The following KCNQ1 variants were observed in gnomAD, a reference collection of about 807,000 sequenced individuals.
The protein encoded by KCNQ1 is potassium voltage-gated channel subfamily KQT member 1.
In KCNQ1, 49 loss-of-function variants were observed where a neutral mutation model predicts 72.4. The observed-to-expected ratio is 0.68, with a 90% CI of 0.54 to 0.86. KCNQ1 has a LOEUF of 0.86. KCNQ1 is among the 40% of genes least tolerant of loss of function. The pLI is 0.00. For missense variants in KCNQ1, 790 were observed against 945.1 expected (o/e 0.84, Z 2.15); for synonymous variants, 450 against 412.6 (o/e 1.09, Z -1.10).
At position 2,809,742 on chromosome 11, in the gene KCNQ1, C is replaced by A. The variant is rs1030300965; in HGVS notation, c.1794+31705C>A. On this transcript the variant is annotated intron_variant, in intron 15 of 15. Transcript: ENST00000155840. The surrounding 1 kb of genome is among the most constrained non-coding windows in gnomAD (Gnocchi z 7.1). Reference sequence around the variant, plus strand: ...GTGCTCAACACTCCAGGCCAGAGCCCTTCTCTCAAATCCCCTTTGGTTCTA... The same window carrying A: ...GTGCTCAACACTCCAGGCCAGAGCCATTCTCTCAAATCCCCTTTGGTTCTA... Among the ~76,000 whole-genome samples, 2 of 152,172 alleles carry A rather than the reference C, an allele frequency of 1.3e-5. No individual in the cohort carries two copies. Among genetic ancestry groups the A allele is most frequent in the Non-Finnish European group, 2.9e-5 (2 of 68,034 alleles).
chr11:2,596,946 T>C (rs1273080186), intron 10 of KCNQ1, among the ~76,000 whole-genome samples: 1 of 152,024 alleles, frequency 6.6e-6, no homozygotes, highest in Non-Finnish European at 1.5e-5. Flanking sequence ...ATTGATAACC[T>C]AAAGAAACCA....
rs1328449667 is a variant in KCNQ1 at position 2,516,869 on chromosome 11, C to T, written c.387-11059C>T. 6.6e-6 allele frequency among the ~76,000 whole-genome samples: 1 copy of T among 152,146 alleles called. No homozygotes were observed. Among genetic ancestry groups the T allele is most frequent in the Non-Finnish European group, 1.5e-5 (1 of 68,018 alleles). On this transcript the variant is annotated intron_variant, in intron 1 of 15. Transcript: ENST00000155840. The surrounding 1 kb of genome is among the most constrained non-coding windows in gnomAD (Gnocchi z 7.0). ...ATTGTTCTGGCCCCTCCTGATCTCTCCCCCACCTTGCCACGACCCCCCAGA... is the reference window on the plus strand; with the variant it reads ...ATTGTTCTGGCCCCTCCTGATCTCTTCCCCACCTTGCCACGACCCCCCAGA...
Position 2,652,685 on chromosome 11 carries a change from G to T in KCNQ1, c.1394-9276G>T, listed in dbSNP as rs1590007779. 2 of 398,760 alleles carry T rather than the reference G, an allele frequency of 5.0e-6. No homozygotes were observed. The highest frequency in any genetic ancestry group is 7.1e-5 in the East Asian group (2 of 28,072). 24.7% of individuals were successfully genotyped at this position (398,760 alleles called of 1,614,324 possible). A position where few individuals can be genotyped will look rare whatever the true frequency, so the allele number is the denominator to read the frequency against. On this transcript the variant is annotated intron_variant, in intron 10 of 15. Transcript: ENST00000155840. This position sits in a 1 kb window ranked among gnomAD's most constrained non-coding sequence, Gnocchi z 5.9. ...GGGTGGGTCGATTTTAGTTGTGTGGGTGGCTGTGTTGCTCTCTTTCCGTTT... is the reference window on the plus strand; with the variant it reads ...GGGTGGGTCGATTTTAGTTGTGTGGTTGGCTGTGTTGCTCTCTTTCCGTTT...
chr11:2,840,485 T>G (rs1848184571), intron 15 of KCNQ1: 2 of 151,530 alleles, frequency 1.3e-5, no homozygotes, highest in Admixed American at 1.3e-4. Context: ...TCCCAGGCGA[T>G]TCAAAGATTT....
At chr11:2,747,111 C>T (rs1846153508) in intron 11 of KCNQ1, among the ~76,000 whole-genome samples, 1 of 152,192 alleles carries the variant, frequency 6.6e-6, no homozygotes, top group African/African-American at 2.4e-5. Flanking sequence ...CCCAGCCTGG[C>T]CCATGGTGGA....
intron 13 of KCNQ1, 138 bp downstream of exon 13, chr11:2,776,192 C>T: frequency 1.3e-6 from 1 of 740,996 alleles, no homozygotes; most frequent in Non-Finnish European, 2.2e-6. Context: ...TTCTCCTCAC[C>T]ACCCCCAGCC....
At chr11:2,631,477 T>G in intron 10 of KCNQ1, 1 of 395,784 alleles carries the variant, frequency 2.5e-6, no homozygotes, top group Admixed American at 4.4e-5. Flanking sequence ...TTTTGTGTAT[T>G]AATGATTTCA....
chr11:2,641,153 T>A, intron 10 of KCNQ1: 1 of 398,544 alleles, frequency 2.5e-6, no homozygotes. Context: ...ATTTTTAGTA[T>A]ACTGATATCT....
chr11:2,608,902 C>T lies in KCNQ1; in HGVS notation c.1393+20048C>T, dbSNP rs899815711. ...TCCCTCTCTGTCTTTCCTCCTCCCCCTCTTTCTTCCTCCCCTTCTTTTCTT... is the reference window on the plus strand; with the variant it reads ...TCCCTCTCTGTCTTTCCTCCTCCCCTTCTTTCTTCCTCCCCTTCTTTTCTT... On this transcript the variant is annotated intron_variant, in intron 10 of 15. Transcript: ENST00000155840. The surrounding 1 kb of genome is among the most constrained non-coding windows in gnomAD (Gnocchi z 4.6). 2 of 398,368 alleles carry T rather than the reference C, an allele frequency of 5.0e-6. No homozygotes were observed. The highest frequency in any genetic ancestry group is 4.1e-5 in the African/African-American group (2 of 48,582). The allele number at this position is 398,368 out of a possible 1,614,324, so 24.7% of individuals were successfully genotyped here. A position where few individuals can be genotyped will look rare whatever the true frequency, so the allele number is the denominator to read the frequency against.
In KCNQ1 at chr11:2,451,216, C is replaced by T. The variant is rs889588458; in HGVS notation, c.386+5732C>T. 1.3e-5 allele frequency among the ~76,000 whole-genome samples: 2 copies of T among 152,176 alleles called. No individual in the cohort carries two copies. Among genetic ancestry groups the T allele is most frequent in the Non-Finnish European group, 2.9e-5 (2 of 68,036 alleles). ...ATTTTTCCACCCGGGCAGTGGTGAT[C>T]TTGGGATGAAACTGTTCCATCTCAG... is the stretch of plus-strand genomic sequence containing the variant. On this transcript the variant is annotated intron_variant, in intron 1 of 15. Transcript: ENST00000155840. This position sits in a 1 kb window ranked among gnomAD's most constrained non-coding sequence, Gnocchi z 6.4.
At position 2,669,529 on chromosome 11, in the gene KCNQ1, G is replaced by A. The variant is rs1850144264; in HGVS notation, c.1514+7448G>A. On this transcript the variant is annotated intron_variant, in intron 11 of 15. Coordinates refer to ENST00000155840, the MANE Select transcript of KCNQ1 (RefSeq NM_000218.3). The surrounding 1 kb of genome is among the most constrained non-coding windows in gnomAD (Gnocchi z 5.6). ...GCTAATGGTTTGATGTATGTTCGCT[G>A]AATCCAGGGACAAGGTCTGTCAGGG... 1.0e-5 allele frequency: 4 copies of A among 398,534 alleles called. No individual in the cohort carries two copies. The highest frequency in any genetic ancestry group is 1.8e-5 in the Non-Finnish European group (4 of 226,092). The allele number at this position is 398,534 out of a possible 1,614,324, so 24.7% of individuals were successfully genotyped here.
At chr11:2,794,910 A>C (rs972860454) in intron 15 of KCNQ1, among the ~76,000 whole-genome samples, 1 of 152,156 alleles carries the variant, frequency 6.6e-6, no homozygotes, top group African/African-American at 2.4e-5. Flanking sequence ...ACCAGTGGGG[A>C]CCAATGTACA....
chr11:2,819,560 G>A (rs1847690667), intron 15 of KCNQ1, among the ~76,000 whole-genome samples: 1 of 152,156 alleles, frequency 6.6e-6, no homozygotes, highest in African/African-American at 2.4e-5. Flanking sequence ...GCATTTTTAG[G>A]TTTTAGCATC....
Position 2,657,369 on chromosome 11 carries a change from T to C in KCNQ1, c.1394-4592T>C. On this transcript the variant is annotated intron_variant, in intron 10 of 15. Coordinates refer to ENST00000155840, the MANE Select transcript of KCNQ1 (RefSeq NM_000218.3). The surrounding 1 kb of genome is among the most constrained non-coding windows in gnomAD (Gnocchi z 4.8). The stretch of plus-strand genomic sequence containing the variant: ...GAAGGCATATTTCTCCATTTATATC[T>C]TCTTCATTGTCTCTTACTAAAGTTT... 1 of 398,620 alleles carries C rather than the reference T, an allele frequency of 2.5e-6. No individual in the cohort carries two copies. Among genetic ancestry groups the C allele is most frequent in the Non-Finnish European group, 4.4e-6 (1 of 226,064 alleles). 24.7% of individuals were successfully genotyped at this position (398,620 alleles called of 1,614,324 possible).
chr11:2,591,558 G>A (rs777390960), intron 10 of KCNQ1, among the ~76,000 whole-genome samples: 8 of 152,348 alleles, frequency 5.3e-5, no homozygotes, highest in African/African-American at 1.7e-4. Context: ...TAACGGGCAG[G>A]TGGGCGTGGC....
intron 2 of KCNQ1, among the ~76,000 whole-genome samples, chr11:2,560,238 TG>T (rs1310445947): frequency 1.7e-4 from 3 of 17,930 alleles, no homozygotes; most frequent in Non-Finnish European, 2.8e-4. Flanking sequence ...CCTTGGGGGA[TG>T]GGGGGGTGAC....
intron 15 of KCNQ1, among the ~76,000 whole-genome samples, chr11:2,842,139 G>T (rs1848227471): frequency 6.6e-6 from 1 of 152,196 alleles, no homozygotes; most frequent in African/African-American, 2.4e-5. Context: ...CAGCCTCTGA[G>T]CGGACACACT....
rs1231792167 is a variant in KCNQ1 at position 2,626,009 on chromosome 11, A to G, written c.1394-35952A>G. 2 of 398,478 alleles carry G rather than the reference A, an allele frequency of 5.0e-6. No individual in the cohort carries two copies. The highest frequency in any genetic ancestry group is 8.8e-6 in the Non-Finnish European group (2 of 226,056). The allele number at this position is 398,478 out of a possible 1,614,324, so 24.7% of individuals were successfully genotyped here. ...TGTAGGTTGTCTTATTGCTTAGTTG[A>G]TATTATTTTAATGCACACAATGTAA... On this transcript the variant is annotated intron_variant, in intron 10 of 15. Transcript: ENST00000155840. The surrounding 1 kb of genome is among the most constrained non-coding windows in gnomAD (Gnocchi z 4.0).
intron 1 of KCNQ1, among the ~76,000 whole-genome samples, chr11:2,469,127 C>G (rs575305193): frequency 1.3e-5 from 2 of 152,304 alleles, no homozygotes; most frequent in Non-Finnish European, 2.9e-5. Context: ...TCGGGGCCCT[C>G]CCTGGCATTC....
Sources: allele counts gnomAD v4.1 joint callset (sites outside exome capture counted in the v4.1 genomes callset), GRCh38; gene constraint gnomAD v4.1.1; non-coding constraint Gnocchi (gnomAD v3.1); transcripts MANE v1.5; gene names NCBI Gene and HGNC (gene_info 2026-07-23, HGNC 2026-07-21).